The following RPTOR variants were observed in gnomAD, a reference collection of about 807,000 sequenced individuals.
The protein encoded by RPTOR is regulatory associated protein of MTOR complex 1, also known as regulatory-associated protein of mTOR.
A neutral mutation model predicts 169.9 loss-of-function variants in RPTOR; 21 were observed. The observed-to-expected ratio is 0.12, with a 90% CI of 0.09 to 0.18. The LOEUF is 0.18. Among genes scored for constraint, RPTOR ranks in the 10% least tolerant of loss-of-function variants. The pLI, the probability that RPTOR is intolerant of heterozygous loss-of-function variation, is 1.00. For missense variants in RPTOR, 1,133 were observed against 1,855.9 expected (o/e 0.61, Z 7.16); for synonymous variants, 732 against 753.2 (o/e 0.97, Z 0.46).
chr17:80,943,029 G>A (rs1235653397), intron 25 of RPTOR, among the ~76,000 whole-genome samples: 4 of 152,230 alleles, frequency 2.6e-5, no homozygotes, highest in African/African-American at 9.6e-5. Context: ...CTTGTATAAC[G>A]TGGCATTCAT....
At position 80,930,429 on chromosome 17, in the gene RPTOR, C is replaced by G. The variant is rs113203968; in HGVS notation, c.2919+4949C>G. ...CATCCCCAGCTCATCCTCAGCTCAT[C>G]CTCATCCCCAGCTCATCCTCAGCTC... On this transcript the variant is annotated intron_variant, in intron 24 of 33. Coordinates refer to ENST00000306801, the MANE Select transcript of RPTOR (RefSeq NM_020761.3). Among the ~76,000 whole-genome samples, 18 of 2,126 alleles carry G rather than the reference C, an allele frequency of 8.5e-3. No individual in the cohort carries two copies. In the East Asian group the frequency reaches 0.088, roughly 10 times the overall value. 1.4% of individuals were successfully genotyped at this position (2,126 alleles called of 152,430 possible).
chr17:80,696,194 G>C (rs1314178168), intron 3 of RPTOR, among the ~76,000 whole-genome samples: 1 of 152,070 alleles, frequency 6.6e-6, no homozygotes, highest in African/African-American at 2.4e-5. Context: ...GTTTTGTTTT[G>C]TTTTTTCATT....
intron 1 of RPTOR, among the ~76,000 whole-genome samples, chr17:80,603,838 G>A (rs12937297): frequency 0.18 from 27,748 of 152,194 alleles, 2,924 homozygotes; most frequent in East Asian, 0.27. Flanking sequence ...GCTGGTGACA[G>A]GTAGCCTTTG....
In RPTOR at chr17:80,707,486, A is replaced by G. The variant is rs1426600860; in HGVS notation, c.349-355A>G. ...GTGATCATGGTTCACTGCAACCTCA[A>G]CCTCCTGGGCTTAAGTGATCCTTCC... On this transcript the variant is annotated intron_variant, in intron 3 of 33. Coordinates refer to ENST00000306801, the MANE Select transcript of RPTOR (RefSeq NM_020761.3). This position sits in a 1 kb window ranked among gnomAD's most constrained non-coding sequence, Gnocchi z 5.0. Among the ~76,000 whole-genome samples the G allele has an allele frequency of 6.6e-6, 1 of 150,840 alleles. No individual in the cohort carries two copies. The highest frequency in any genetic ancestry group is 2.4e-5 in the African/African-American group (1 of 40,896).
At chr17:80,791,332 T>A (rs980971359) in intron 6 of RPTOR, 118 bp from the exon 7 acceptor site, 17 of 746,566 alleles carry the variant, frequency 2.3e-5, no homozygotes, top group Non-Finnish European at 3.7e-5. Context: ...CTGAGTGTAC[T>A]TGTTCACCGT....
At chr17:80,664,702 A>G (rs1459891351) in intron 3 of RPTOR, among the ~76,000 whole-genome samples, 2 of 152,164 alleles carry the variant, frequency 1.3e-5, no homozygotes, top group African/African-American at 4.8e-5. Flanking sequence ...AGGGAGTCTG[A>G]GTCTCCAAAG....
intron 1 of RPTOR, among the ~76,000 whole-genome samples, chr17:80,547,551 G>A (rs1227653002): frequency 6.6e-6 from 1 of 152,202 alleles, no homozygotes; most frequent in Non-Finnish European, 1.5e-5. Flanking sequence ...TGCTTAGAAA[G>A]GAGCTGGGGA....
chr17:80,954,806 A>G (rs887303641), intron 28 of RPTOR, among the ~76,000 whole-genome samples: 1 of 152,120 alleles, frequency 6.6e-6, no homozygotes, highest in East Asian at 1.9e-4. Flanking sequence ...AATCCCAGTT[A>G]CTCAGGAGGC....
In RPTOR at chr17:80,866,480, A is replaced by C. The variant is rs149681566; in HGVS notation, c.1509+8580A>C. On this transcript the variant is annotated intron_variant, in intron 13 of 33. Transcript: ENST00000306801. ...AGACTAATACGAAAGAAGACAGTGA[A>C]ACATCAAAATCTGTTGAACAAAACA... Among the ~76,000 whole-genome samples, 77 of 152,342 alleles carry C rather than the reference A, an allele frequency of 5.1e-4. No individual in the cohort carries two copies. The East Asian group carries it at 0.011, about 22-fold the overall frequency.
intron 5 of RPTOR, among the ~76,000 whole-genome samples, chr17:80,742,123 C>A (rs2066487485): frequency 6.6e-6 from 1 of 152,042 alleles, no homozygotes; most frequent in African/African-American, 2.4e-5. Flanking sequence ...CTAAACTGTT[C>A]AAGAGAGGGT....
chr17:80,800,470 G>T (rs1258451416), intron 7 of RPTOR, among the ~76,000 whole-genome samples: 2 of 152,196 alleles, frequency 1.3e-5, no homozygotes, highest in Non-Finnish European at 2.9e-5. Context: ...AGATCGGGCA[G>T]TTTGTGCATA....
intron 2 of RPTOR, among the ~76,000 whole-genome samples, chr17:80,637,133 G>A (rs981992590): frequency 1.3e-5 from 2 of 152,186 alleles, no homozygotes; most frequent in East Asian, 3.8e-4. Flanking sequence ...TGATGTCAGA[G>A]GGGTCTGAGA....
At chr17:80,816,540 G>A (rs1172675987) in intron 7 of RPTOR, among the ~76,000 whole-genome samples, 1 of 152,248 alleles carries the variant, frequency 6.6e-6, no homozygotes, top group African/African-American at 2.4e-5. Context: ...GAAGGAGCAG[G>A]GCTGCCGCTG....
At chr17:80,799,624 C>T (rs756469249) in intron 7 of RPTOR, among the ~76,000 whole-genome samples, 5 of 152,192 alleles carry the variant, frequency 3.3e-5, no homozygotes, top group South Asian at 2.1e-4. Flanking sequence ...AGGAGAATAA[C>T]GGGCCTGTGT....
chr17:80,833,532 C>G (rs762741268), intron 9 of RPTOR, among the ~76,000 whole-genome samples: 7 of 152,224 alleles, frequency 4.6e-5, no homozygotes, highest in African/African-American at 7.2e-5. Context: ...AGCCCACCAC[C>G]ATGGCCTCTC....
At chr17:80,768,365 C>T (rs1365733049) in intron 6 of RPTOR, among the ~76,000 whole-genome samples, 1 of 152,100 alleles carries the variant, frequency 6.6e-6, no homozygotes, top group Non-Finnish European at 1.5e-5. Context: ...TGAATGCATC[C>T]GTGTGTAATG....
rs962797627 is a variant in RPTOR, at chr17:80,959,954, C to A, written c.3478-124C>A. On this transcript the variant is annotated intron_variant, in intron 29 of 33. Coordinates refer to ENST00000306801, the MANE Select transcript of RPTOR (RefSeq NM_020761.3). This position sits in a 1 kb window ranked among gnomAD's most constrained non-coding sequence, Gnocchi z 6.7. ...CTTCCCTGGATAGAGAGAAAGGCCC[C>A]TGCAGCCAGGGAGGGTGATCCCCAC... 1.6e-6 allele frequency: 2 copies of A among 1,227,182 alleles called. No individual in the cohort carries two copies. The highest frequency in any genetic ancestry group is 3.0e-5 in the African/African-American group (2 of 67,178). 76.0% of individuals were successfully genotyped at this position (1,227,182 alleles called of 1,614,324 possible). A position where few individuals can be genotyped will look rare whatever the true frequency, so the allele number is the denominator to read the frequency against.
intron 1 of RPTOR, among the ~76,000 whole-genome samples, chr17:80,576,908 G>A (rs186386682): frequency 8.5e-5 from 13 of 152,142 alleles, no homozygotes; most frequent in Admixed American, 2.6e-4. Flanking sequence ...TTTGCCCTGT[G>A]GCCCAGGCTT....
intron 3 of RPTOR, among the ~76,000 whole-genome samples, chr17:80,684,610 A>G (rs1201767894): frequency 2.6e-5 from 4 of 151,632 alleles, no homozygotes; most frequent in Non-Finnish European, 5.9e-5. Flanking sequence ...ACACCCGGCT[A>G]ATTTTTTGTA....
Sources: allele counts gnomAD v4.1 joint callset (sites outside exome capture counted in the v4.1 genomes callset), GRCh38; gene constraint gnomAD v4.1.1; non-coding constraint Gnocchi (gnomAD v3.1); transcripts MANE v1.5; gene names NCBI Gene and HGNC (gene_info 2026-07-23, HGNC 2026-07-21).